NOL9: variants seen among roughly 807,000 people sequenced by gnomAD.
The protein encoded by NOL9 is nucleolar protein 9.
Under a neutral mutation model 67.9 loss-of-function variants are expected in NOL9, and 28 were observed. The ratio of observed to expected loss-of-function variants is 0.41; its 90% confidence interval spans 0.31 to 0.57. The LOEUF (loss-of-function observed/expected upper bound fraction) is 0.57. NOL9 is among the 20% of genes least tolerant of loss of function. The probability of loss-of-function intolerance (pLI) is 0.25; values close to 1 mark genes in which losing one functional copy is unlikely to be tolerated. For missense variants in NOL9, 777 were observed against 897.0 expected (o/e 0.87, Z 1.71); for synonymous variants, 356 against 352.2 (o/e 1.01, Z -0.12).
chr1:6,544,544 C>CGCACGCACGCACG (rs61278197), intron 5 of NOL9, among the ~76,000 whole-genome samples: 1 of 118,666 alleles, frequency 8.4e-6, no homozygotes, highest in Non-Finnish European at 1.6e-5. Context: ...CACACACGCA[C>CGCACGCACGCACG]CCCCCCCCCG....
rs1459610476 is a variant in NOL9, at chr1:6,524,617, GTCCTTCT to G, written c.*1230_*1236del. 6.6e-6 allele frequency: 1 copy of G among 152,224 alleles called. No homozygotes were observed. Among genetic ancestry groups the G allele is most frequent in the Admixed American group, 6.5e-5 (1 of 15,278 alleles). 9.4% of individuals were successfully genotyped at this position (152,224 alleles called of 1,614,324 possible). ...AGCTTTCCCAAGAGCTGGTCTGCCA[GTCCTTCT>G]TCCTTCAAAACAGCCCAGTCTCCAG... On this transcript the variant is annotated 3_prime_UTR_variant, in exon 12 of 12. Transcript: ENST00000377705.
chr1:6,530,766 C>G (rs1639006491), intron 9 of NOL9, among the ~76,000 whole-genome samples: 4 of 152,268 alleles, frequency 2.6e-5, no homozygotes, highest in Admixed American at 2.6e-4. Flanking sequence ...CTTAGCCTTT[C>G]TCTCACAGGG....
chr1:6,544,576 A>C (rs1639379908), intron 5 of NOL9, among the ~76,000 whole-genome samples: 1 of 126,554 alleles, frequency 7.9e-6, no homozygotes, highest in Non-Finnish European at 1.6e-5. Flanking sequence ...AGAACTTATA[A>C]ATACAGACTC....
chr1:6,525,629 A>G lies in NOL9; in HGVS notation c.*225T>C, dbSNP rs1638866574. 1.8e-6 allele frequency: 1 copy of G among 562,288 alleles called. No homozygotes were observed. Among genetic ancestry groups the G allele is most frequent in the Admixed American group, 3.0e-5 (1 of 32,948 alleles). The allele number at this position is 562,288 out of a possible 1,614,324, so 34.8% of individuals were successfully genotyped here. ...TTCTCTGCTGTTTTACTCCCTCTGGACAGCAAGTATGAGTATCACACAGAA... is the reference window on the plus strand; with the variant it reads ...TTCTCTGCTGTTTTACTCCCTCTGGGCAGCAAGTATGAGTATCACACAGAA... On this transcript the variant is annotated 3_prime_UTR_variant, in exon 12 of 12. Coordinates refer to ENST00000377705, the MANE Select transcript of NOL9 (RefSeq NM_024654.5).
At chr1:6,543,999 G>C (rs1244993483) in intron 5 of NOL9, among the ~76,000 whole-genome samples, 1 of 152,096 alleles carries the variant, frequency 6.6e-6, no homozygotes, top group Non-Finnish European at 1.5e-5. Context: ...GGTGGCGCAC[G>C]CCTGTAATCC....
At chr1:6,534,162 C>T (rs1198814800) in intron 6 of NOL9, among the ~76,000 whole-genome samples, 2 of 152,206 alleles carry the variant, frequency 1.3e-5, no homozygotes, top group Non-Finnish European at 2.9e-5. Flanking sequence ...GCTGGGATTA[C>T]AGGCGTGAGC....
chr1:6,548,297 C>T (rs1055262328), intron 3 of NOL9, among the ~76,000 whole-genome samples: 1 of 152,040 alleles, frequency 6.6e-6, no homozygotes, highest in Non-Finnish European at 1.5e-5. Flanking sequence ...CAGGTGCATG[C>T]CCCATGCCCT....
At chr1:6,551,410 C>A (rs1313006744) in intron 1 of NOL9, among the ~76,000 whole-genome samples, 2 of 151,432 alleles carry the variant, frequency 1.3e-5, no homozygotes, top group Non-Finnish European at 2.9e-5. Context: ...ATGGCAAACC[C>A]CCCTGCACCC....
At chr1:6,544,735 A>G in intron 5 of NOL9, 91 bp downstream of exon 5, 1 of 1,327,334 alleles carries the variant, frequency 7.5e-7, no homozygotes, top group Non-Finnish European at 1.1e-6. Context: ...ATCTCTAGCT[A>G]GAAGCCAAGA....
At chr1:6,536,402 A>C (rs1477812952) in intron 6 of NOL9, among the ~76,000 whole-genome samples, 3 of 152,036 alleles carry the variant, frequency 2.0e-5, no homozygotes, top group South Asian at 2.1e-4. Context: ...TGTGGTGGCT[A>C]ATAATAGCTG....
At chr1:6,549,068 G>A (rs776246342) in intron 3 of NOL9, among the ~76,000 whole-genome samples, 2 of 151,856 alleles carry the variant, frequency 1.3e-5, no homozygotes, top group Non-Finnish European at 2.9e-5. Context: ...TGGCAACAGA[G>A]AGAGAGTCCA....
rs1455849924 is a variant in NOL9 at position 6,554,457 on chromosome 1, T to C, written c.46A>G (p.Thr16Ala). 1.9e-6 allele frequency: 3 copies of C among 1,551,154 alleles called. No individual in the cohort carries two copies. Among genetic ancestry groups the C allele is most frequent in the African/African-American group, 2.8e-5 (2 of 70,552 alleles). The change falls in exon 1 of 12, where the codon ACT becomes GCT. Residue 16 changes from threonine (T) to alanine (A), a missense_variant. Physicochemically the swap from Thr to Ala is moderately conservative, Grantham distance 58 (BLOSUM62 0). Transcript: ENST00000377705. ...CGGGCCTTGCGGACCCGCAGCCAAGTGGAACGGCAGGAACCCCGCTTTAGC... is the reference window on the plus strand; with the variant it reads ...CGGGCCTTGCGGACCCGCAGCCAAGCGGAACGGCAGGAACCCCGCTTTAGC... Reference protein sequence around the residue: ...LLLKRGSCRSTWLRVRKARPQ... With the variant: ...LLLKRGSCRSAWLRVRKARPQ...
In NOL9 at chr1:6,532,499, T is replaced by A. The variant is rs763652369; in HGVS notation, c.1499A>T (p.Tyr500Phe). ...EFTGHKLIGV[Y>F]TDFAFRITPR... ...AGTTATTCTGAATGCAAAGTCTGTA[T>A]AAACACCTATCAGTTTATGTCCAGT... Residue 500 changes from tyrosine (Y) to phenylalanine (F), a missense_variant, in exon 8 of 12, where the codon TAT (tyrosine) becomes TTT (phenylalanine). Transcript: ENST00000377705. The A allele has an allele frequency of 1.2e-6, 2 of 1,614,194 alleles. No individual in the cohort carries two copies. Among genetic ancestry groups the A allele is most frequent in the South Asian group, 1.1e-5 (1 of 91,080 alleles).
In NOL9 at chr1:6,525,597, CAA is replaced by C. The variant is rs1172798549; in HGVS notation, c.*255_*256del. 1 of 448,636 alleles carries C rather than the reference CAA, an allele frequency of 2.2e-6. No homozygotes were observed. Among genetic ancestry groups the C allele is most frequent in the Non-Finnish European group, 4.0e-6 (1 of 252,254 alleles). 27.8% of individuals were successfully genotyped at this position (448,636 alleles called of 1,614,324 possible). On this transcript the variant is annotated 3_prime_UTR_variant, in exon 12 of 12. Transcript: ENST00000377705. ...GAGGAATCTCTGTTTTAATGGCACA[CAA>C]ACTGTTCTCTGCTGTTTTACTCCCT...
rs777375530 is a variant in NOL9, at chr1:6,526,825, G to A, written c.1830C>T (p.Ile610=). Residue 610 remains isoleucine (I), a synonymous_variant, in exon 11 of 12, where the codon ATC becomes ATT. Coordinates refer to ENST00000377705, the MANE Select transcript of NOL9 (RefSeq NM_024654.5). ...GCTTCTCCATGTCAATGCCTCTACA[G>A]ATGCCTTCAAGACACGCGCACAACA... is the stretch of plus-strand genomic sequence containing the variant. The part of the protein sequence containing the change: ...TPICDCLGFG[I]CRGIDMEKRL... 3.1e-5 allele frequency: 50 copies of A among 1,604,664 alleles called. No individual in the cohort carries two copies. The highest frequency in any genetic ancestry group is 2.6e-6 in the Non-Finnish European group (3 of 1,176,052).
At chr1:6,542,022 CA>C (rs975263228) in intron 5 of NOL9, 95 bp from the exon 6 acceptor site, 8 of 690,214 alleles carry the variant, frequency 1.2e-5, no homozygotes, top group Non-Finnish European at 1.9e-5. Context: ...ATGTGACACG[CA>C]GGCATAATCC....
At chr1:6,544,787 C>G (rs778724213) in intron 5 of NOL9, 39 bp downstream of exon 5, 1 of 1,603,516 alleles carries the variant, frequency 6.2e-7, no homozygotes, top group Admixed American at 1.7e-5. Context: ...ATGACAAAAA[C>G]CTAGCAATGT....
chr1:6,537,614 T>G (rs1359899486), intron 6 of NOL9, among the ~76,000 whole-genome samples: 1 of 152,060 alleles, frequency 6.6e-6, no homozygotes, highest in East Asian at 1.9e-4. Context: ...TAAAACAATA[T>G]GATACTGGGT....
chr1:6,540,152 T>A (rs1415950778), intron 6 of NOL9, among the ~76,000 whole-genome samples: 1 of 93,194 alleles, frequency 1.1e-5, no homozygotes, highest in Non-Finnish European at 2.0e-5. Flanking sequence ...AGACAGAGTC[T>A]TGCTCTGTCG....
Sources: gnomAD v4.1 joint callset for allele counts (sites outside exome capture counted in the v4.1 genomes callset) on GRCh38, gnomAD v4.1.1 for gene constraint, MANE v1.5 for transcripts, NCBI Gene and HGNC (gene_info 2026-07-23, HGNC 2026-07-21) for gene names.